The following USH2A variants were observed in gnomAD, a reference collection of about 807,000 sequenced individuals.
USH2A encodes usherin.
Under a neutral mutation model 538.9 loss-of-function variants are expected in USH2A, and 443 were observed. The observed-to-expected ratio is 0.82, with a 90% confidence interval of 0.76 to 0.89. The LOEUF is 0.89. USH2A is among the 40% of genes least tolerant of loss of function. The pLI is 0.00. For missense variants in USH2A, 6,633 were observed against 6,324.8 expected, an observed-to-expected ratio of 1.05 and a Z score of -1.65; for synonymous variants, 2,413 against 2,273.5, an observed-to-expected ratio of 1.06 and a Z score of -1.75.
intron 61 of USH2A, among the ~76,000 whole-genome samples, chr1:215,688,514 C>G (rs910438026): frequency 1.3e-5 from 2 of 152,108 alleles, no homozygotes; most frequent in Non-Finnish European, 2.9e-5. Flanking sequence ...GCTGCTATAG[C>G]AAAGAACCAT....
In USH2A at chr1:216,207,451, G is replaced by A. The variant is rs1175071573; in HGVS notation, c.3158-20C>T. On this transcript the variant is annotated intron_variant, in intron 15 of 71. Coordinates refer to ENST00000307340, the MANE Select transcript of USH2A (RefSeq NM_206933.4). ...ATGGAGCTAAATTACAATGAAGAGA[G>A]CATTTATTAGCAAAGCAATCAATAA... 2 of 1,613,610 alleles carry A rather than the reference G, an allele frequency of 1.2e-6. No homozygotes were observed. Among genetic ancestry groups the A allele is most frequent in the East Asian group, 2.2e-5 (1 of 44,788 alleles).
chr1:215,982,801 G>A (rs922096632), intron 35 of USH2A, among the ~76,000 whole-genome samples: 1 of 152,094 alleles, frequency 6.6e-6, no homozygotes, highest in African/African-American at 2.4e-5. Context: ...GACATTAGAG[G>A]TATTATGAGG....
chr1:216,028,455 T>C (rs959465591), intron 32 of USH2A, among the ~76,000 whole-genome samples: 1 of 152,034 alleles, frequency 6.6e-6, no homozygotes, highest in African/African-American at 2.4e-5. Flanking sequence ...TATGTGAAAA[T>C]ATTTTTGAAA....
chr1:215,788,838 T>C (rs1238178953), intron 51 of USH2A, among the ~76,000 whole-genome samples: 1 of 152,134 alleles, frequency 6.6e-6, no homozygotes, highest in Non-Finnish European at 1.5e-5. Flanking sequence ...TTTTTATACA[T>C]TAAGCTTTTA....
chr1:215,994,177 A>G (rs1396328656), intron 34 of USH2A, among the ~76,000 whole-genome samples: 1 of 152,198 alleles, frequency 6.6e-6, no homozygotes, highest in East Asian at 1.9e-4. Context: ...AAAAGAAAAT[A>G]AAGCAAAATC....
chr1:216,141,668 G>A (rs2033606271), intron 21 of USH2A, among the ~76,000 whole-genome samples: 1 of 152,150 alleles, frequency 6.6e-6, no homozygotes, highest in African/African-American at 2.4e-5. Flanking sequence ...TAGACTTTGA[G>A]TGGCTTGTAT....
intron 21 of USH2A, among the ~76,000 whole-genome samples, chr1:216,142,363 G>C (rs2033619116): frequency 6.6e-6 from 1 of 152,164 alleles, no homozygotes. Flanking sequence ...ATAGATATAG[G>C]TAATGCAGAT....
Position 215,771,407 on chromosome 1 carries a change from C to T in USH2A, c.10940-4619G>A, listed in dbSNP as rs1340949049. 4.0e-5 allele frequency among the ~76,000 whole-genome samples: 6 copies of T among 149,956 alleles called. No homozygotes were observed. In the South Asian group the frequency reaches 8.4e-4, roughly 21 times the overall value. On this transcript the variant is annotated intron_variant, in intron 55 of 71. Transcript: ENST00000307340. ...CATCCCGGCTAAAACGGTGAAACCC[C>T]GTCTCTACTAAAAATACAAAAAATT... is the stretch of plus-strand genomic sequence containing the variant.
chr1:216,038,184 C>A (rs1297578330), intron 32 of USH2A, among the ~76,000 whole-genome samples: 1 of 151,982 alleles, frequency 6.6e-6, no homozygotes, highest in African/African-American at 2.4e-5. Flanking sequence ...AATGAGTTAT[C>A]CACTTGTAAA....
chr1:216,111,507 T>C (rs969277965), intron 21 of USH2A, among the ~76,000 whole-genome samples: 1 of 152,110 alleles, frequency 6.6e-6, no homozygotes, highest in South Asian at 2.1e-4. Flanking sequence ...ATCTAAAGCA[T>C]GTTCTTTGAC....
chr1:215,963,466 A>G lies in USH2A; in HGVS notation c.7120+1851T>C, dbSNP rs576056565. On this transcript the variant is annotated intron_variant, in intron 37 of 71. Transcript: ENST00000307340. ...CGTACCGCAAAAATTCTTTAAGTCA[A>G]ATCTCGTAATTGCTTCCAATTTGTC... Among the ~76,000 whole-genome samples, 265 of 152,218 alleles carry G rather than the reference A, an allele frequency of 1.7e-3. 2 individuals carry two copies. Among genetic ancestry groups the G allele is most frequent in the South Asian group, 0.012 (60 of 4,816 alleles).
At chr1:215,950,132 C>T (rs567069072) in intron 37 of USH2A, among the ~76,000 whole-genome samples, 1 of 152,198 alleles carries the variant, frequency 6.6e-6, no homozygotes, top group South Asian at 2.1e-4. Context: ...CAAAAATATA[C>T]TCAACCTTTA....
At chr1:215,960,835 C>T (rs553608818) in intron 37 of USH2A, among the ~76,000 whole-genome samples, 40 of 152,140 alleles carry the variant, frequency 2.6e-4, no homozygotes, top group Middle Eastern at 3.4e-3. Context: ...GAGAAAGACC[C>T]AGTATTACCA....
intron 3 of USH2A, among the ~76,000 whole-genome samples, chr1:216,417,328 G>A (rs373494820): frequency 1.3e-5 from 2 of 151,450 alleles, no homozygotes; most frequent in Non-Finnish European, 2.9e-5. Flanking sequence ...GGATGTAAAT[G>A]TCCTCTAGTT....
At chr1:216,118,733 T>C (rs2033064616) in intron 21 of USH2A, among the ~76,000 whole-genome samples, 1 of 152,256 alleles carries the variant, frequency 6.6e-6, no homozygotes, top group African/African-American at 2.4e-5. Flanking sequence ...ATTCCTGATC[T>C]ACAAACTCTG....
chr1:216,329,923 G>T (rs986257858), intron 4 of USH2A, among the ~76,000 whole-genome samples: 2 of 152,016 alleles, frequency 1.3e-5, no homozygotes, highest in Non-Finnish European at 2.9e-5. Flanking sequence ...TGCATTTCAT[G>T]TTATCCAATT....
chr1:216,121,200 A>C (rs1313261235), intron 21 of USH2A, among the ~76,000 whole-genome samples: 1 of 143,836 alleles, frequency 7.0e-6, no homozygotes, highest in East Asian at 2.4e-4. Flanking sequence ...TACAATTTAA[A>C]ATTGTTTCCA....
At chr1:216,263,327 A>G (rs750614765) in intron 11 of USH2A, among the ~76,000 whole-genome samples, 7 of 152,116 alleles carry the variant, frequency 4.6e-5, no homozygotes, top group Non-Finnish European at 1.0e-4. Flanking sequence ...AGCAAAAACT[A>G]CAGGCCAATA....
intron 58 of USH2A, among the ~76,000 whole-genome samples, chr1:215,752,851 A>G (rs1396815827): frequency 6.6e-6 from 1 of 152,226 alleles, no homozygotes. Flanking sequence ...TGCAAAAGAA[A>G]CTACCATCAG....
Sources: gnomAD v4.1 joint callset for allele counts (sites outside exome capture counted in the v4.1 genomes callset) on GRCh38, gnomAD v4.1.1 for gene constraint, MANE v1.5 for transcripts, NCBI Gene and HGNC (gene_info 2026-07-23, HGNC 2026-07-21) for gene names.